SETD2: variants seen among roughly 807,000 people sequenced by gnomAD.
SETD2 encodes the protein histone-lysine N-methyltransferase SETD2.
SETD2 carries 31 observed loss-of-function variants against 242.1 expected under a neutral mutation model. The observed-to-expected ratio is 0.13, with a 90% CI of 0.10 to 0.17. SETD2 has a LOEUF of 0.17. SETD2 is among the 10% of genes least tolerant of loss of function. The pLI, the probability that SETD2 is intolerant of heterozygous loss-of-function variation, is 1.00. For missense variants in SETD2, 2,481 were observed against 3,046.3 expected (o/e 0.81, Z 4.37); for synonymous variants, 1,006 against 1,066.5 (o/e 0.94, Z 1.11).
chr3:47,092,643 A>G (rs921191252), intron 9 of SETD2, among the ~76,000 whole-genome samples: 3 of 151,790 alleles, frequency 2.0e-5, no homozygotes, highest in South Asian at 2.1e-4. Flanking sequence ...GCAAGATACT[A>G]TTTTTTAATA....
chr3:47,076,630 A>C (rs1489784383), intron 12 of SETD2, among the ~76,000 whole-genome samples: 1 of 152,270 alleles, frequency 6.6e-6, no homozygotes, highest in East Asian at 1.9e-4. Flanking sequence ...ACAAGCATCT[A>C]CACAAGAAGT....
intron 12 of SETD2, among the ~76,000 whole-genome samples, chr3:47,076,909 G>C (rs1012930916): frequency 6.6e-6 from 1 of 152,188 alleles, no homozygotes; most frequent in African/African-American, 2.4e-5. Flanking sequence ...GAGTAATGGA[G>C]TCTCTGAGAT....
intron 14 of SETD2, among the ~76,000 whole-genome samples, chr3:47,059,354 G>A (rs2040235420): frequency 6.6e-6 from 1 of 151,280 alleles, no homozygotes. Flanking sequence ...GACCTCAAGT[G>A]ATCCGCCCGC....
intron 12 of SETD2, among the ~76,000 whole-genome samples, chr3:47,070,743 A>AT (rs1305248632): frequency 4.6e-5 from 7 of 152,226 alleles, no homozygotes; most frequent in Non-Finnish European, 1.0e-4. Context: ...AGAGACTGGC[A>AT]TACTATAACA....
chr3:47,118,277 G>A (rs2042939345), intron 3 of SETD2, among the ~76,000 whole-genome samples: 2 of 152,148 alleles, frequency 1.3e-5, no homozygotes, highest in Admixed American at 6.5e-5. Context: ...CTAGAAGGCT[G>A]GAATAGGACG....
At chr3:47,145,716 A>G (rs532225052) in intron 1 of SETD2, among the ~76,000 whole-genome samples, 5 of 152,244 alleles carry the variant, frequency 3.3e-5, no homozygotes, top group Admixed American at 3.3e-4. Context: ...TATATAACCT[A>G]AAAGGAACTA....
At chr3:47,112,233 G>T in intron 5 of SETD2, among the ~76,000 whole-genome samples, 1 of 150,690 alleles carries the variant, frequency 6.6e-6, no homozygotes, top group South Asian at 2.1e-4. Context: ...TTCTGCCTCA[G>T]CCTCCCGAGT....
chr3:47,114,596 G>A (rs1239862769), intron 4 of SETD2, among the ~76,000 whole-genome samples: 2 of 151,974 alleles, frequency 1.3e-5, no homozygotes, highest in Non-Finnish European at 2.9e-5. Context: ...ACACCAGAGG[G>A]GGCTGAGTAC....
Position 47,083,960 on chromosome 3 carries a change from A to T in SETD2, c.5820T>A (p.Ser1940Arg), listed in dbSNP as rs943452157. The T allele has an allele frequency of 6.2e-7, 1 of 1,613,920 alleles. No homozygotes were observed. The highest frequency in any genetic ancestry group is 1.3e-5 in the African/African-American group (1 of 74,872). Reference sequence around the variant, plus strand: ...GCTTACTAGCTTCTATGTTGGTTTCACTATCAACTTTGCATTCAGGCAGCT... The same window carrying T: ...GCTTACTAGCTTCTATGTTGGTTTCTCTATCAACTTTGCATTCAGGCAGCT... The part of the protein sequence containing the change: ...PQQLPECKVD[S>R]ETNIEASKLP... The change falls in exon 12 of 21, where the codon AGT becomes AGA. Residue 1940 changes from serine to arginine, a missense_variant. Ser to Arg is a moderately radical substitution (Grantham distance 110). This residue lies in a region of SETD2 where 203 missense variants were observed against 222.4 expected (regional missense o/e 0.91). Coordinates refer to ENST00000409792, the MANE Select transcript of SETD2 (RefSeq NM_014159.7).
chr3:47,069,329 G>A (rs2040710711), intron 12 of SETD2, among the ~76,000 whole-genome samples: 1 of 152,116 alleles, frequency 6.6e-6, no homozygotes, highest in African/African-American at 2.4e-5. Flanking sequence ...ACAAATGCAG[G>A]TGACATCCTC....
rs764195538 is a variant in SETD2, at chr3:47,055,415, T to C, written c.6963+1406A>G. On this transcript the variant is annotated intron_variant, in intron 15 of 20. Coordinates refer to ENST00000409792, the MANE Select transcript of SETD2 (RefSeq NM_014159.7). ...AACATTTTTTTTTCAAAGCTTTAAATGTACTGCTGGCCAGGCACAGTGGCT... is the reference window on the plus strand; with the variant it reads ...AACATTTTTTTTTCAAAGCTTTAAACGTACTGCTGGCCAGGCACAGTGGCT... Among the ~76,000 whole-genome samples, 86 of 152,246 alleles carry C rather than the reference T, an allele frequency of 5.6e-4. 1 individual carries two copies. Among genetic ancestry groups the C allele is most frequent in the Non-Finnish European group, 7.1e-4 (48 of 68,022 alleles).
chr3:47,143,684 T>C (rs555677533), intron 1 of SETD2, among the ~76,000 whole-genome samples: 26 of 152,308 alleles, frequency 1.7e-4, no homozygotes, highest in African/African-American at 5.5e-4. Context: ...TGGTTTTATA[T>C]CTCAAATGTC....
intron 15 of SETD2, among the ~76,000 whole-genome samples, chr3:47,050,882 C>G (rs1357650664): frequency 1.4e-4 from 21 of 151,718 alleles, no homozygotes; most frequent in Non-Finnish European, 2.4e-4. Context: ...AGGCGTGCGC[C>G]ACCAAGCCCA....
intron 18 of SETD2, among the ~76,000 whole-genome samples, chr3:47,035,514 T>C (rs909880864): frequency 2.6e-5 from 4 of 152,248 alleles, no homozygotes; most frequent in Non-Finnish European, 4.4e-5. Flanking sequence ...TTTGATGACC[T>C]GGATTTCCTA....
At chr3:47,042,765 A>G (rs2107540528) in intron 16 of SETD2, 65 bp from the exon 17 acceptor site, 1 of 1,393,564 alleles carries the variant, frequency 7.2e-7, no homozygotes, top group Non-Finnish European at 9.8e-7. Context: ...AATAGGACAA[A>G]ATAGCCCACT....
intron 1 of SETD2, among the ~76,000 whole-genome samples, chr3:47,147,383 C>T (rs536385559): frequency 1.4e-5 from 2 of 143,184 alleles, no homozygotes; most frequent in African/African-American, 5.3e-5. Context: ...AGTGCAGTGA[C>T]GTGATCTTGG....
chr3:47,100,418 G>A (rs1428025836), intron 8 of SETD2, among the ~76,000 whole-genome samples: 3 of 151,422 alleles, frequency 2.0e-5, no homozygotes, highest in Non-Finnish European at 4.4e-5. Context: ...GCGCCACCAC[G>A]CCCAGCTAAT....
At position 47,121,178 on chromosome 3, in the gene SETD2, A is replaced by G. The variant is rs200491606; in HGVS notation, c.3458T>C (p.Ile1153Thr). Residue 1153 changes from isoleucine to threonine, a missense_variant, in exon 3 of 21, where the codon ATA becomes ACA. Ile to Thr is a moderately conservative substitution (Grantham distance 89). This residue lies in a region of SETD2 where 1,300 missense variants were observed against 1,259.2 expected (regional missense o/e 1.03). Coordinates refer to ENST00000409792, the MANE Select transcript of SETD2 (RefSeq NM_014159.7). ...AGAAAGTTCAGGCAGGCGATTATCT[A>G]TTTGTTTTCTACTGGACTGTGTAAA... ...ISFTQSSRKQ[I>T]DNRLPELSHP... 1.4e-5 allele frequency: 23 copies of G among 1,614,058 alleles called. No homozygotes were observed. Among genetic ancestry groups the G allele is most frequent in the Admixed American group, 1.0e-4 (6 of 60,012 alleles).
chr3:47,085,625 A>G (rs574630486), intron 11 of SETD2, among the ~76,000 whole-genome samples: 3 of 152,362 alleles, frequency 2.0e-5, no homozygotes, highest in African/African-American at 4.8e-5. Flanking sequence ...GTTTGTTTTT[A>G]AAAGTGTTTT....
Sources: allele counts gnomAD v4.1 joint callset (sites outside exome capture counted in the v4.1 genomes callset), GRCh38; gene constraint gnomAD v4.1.1; regional missense constraint gnomAD v4.1.1; transcripts MANE v1.5; gene names NCBI Gene and HGNC (gene_info 2026-07-23, HGNC 2026-07-21).